ANTXR1: variants seen among roughly 807,000 people sequenced by gnomAD.
ANTXR1 encodes ANTXR cell adhesion molecule 1.
A neutral mutation model predicts 78.1 loss-of-function variants in ANTXR1; 19 were observed. The ratio of observed to expected loss-of-function variants is 0.24; its 90% CI spans 0.17 to 0.36. The LOEUF (loss-of-function observed/expected upper bound fraction) is 0.36, where lower values mean the gene tolerates loss of function less well. Among genes scored for constraint, ANTXR1 ranks in the 10% least tolerant of loss-of-function variants. The pLI, the probability that ANTXR1 is intolerant of heterozygous loss-of-function variation, is 1.00. For synonymous variants in ANTXR1, 273 were observed against 260.5 expected, an observed-to-expected ratio of 1.05 and a Z score of -0.46; for missense variants, 518 against 718.6, an observed-to-expected ratio of 0.72 and a Z score of 3.19.
chr2:69,040,533 C>T (rs1669583150), intron 2 of ANTXR1, among the ~76,000 whole-genome samples: 1 of 152,184 alleles, frequency 6.6e-6, no homozygotes, highest in East Asian at 1.9e-4. Flanking sequence ...CACTGAAAGT[C>T]TCACATCCTA....
At chr2:69,153,323 G>A (rs1425665085) in intron 13 of ANTXR1, among the ~76,000 whole-genome samples, 1 of 152,178 alleles carries the variant, frequency 6.6e-6, no homozygotes, top group Non-Finnish European at 1.5e-5. Flanking sequence ...CAGAGAGACA[G>A]AGCACTGGAC....
chr2:69,084,575 T>C (rs952161954), intron 8 of ANTXR1, among the ~76,000 whole-genome samples: 1 of 148,488 alleles, frequency 6.7e-6, no homozygotes, highest in Non-Finnish European at 1.5e-5. Flanking sequence ...TAATATTCCA[T>C]ATTTGTATTT....
chr2:69,020,722 A>G (rs1198080999), intron 1 of ANTXR1, among the ~76,000 whole-genome samples: 2 of 152,234 alleles, frequency 1.3e-5, no homozygotes, highest in East Asian at 1.9e-4. Flanking sequence ...TTACTCTGCA[A>G]TAAAAGACAA....
intron 12 of ANTXR1, among the ~76,000 whole-genome samples, chr2:69,133,018 T>A (rs1672800741): frequency 6.6e-6 from 1 of 152,172 alleles, no homozygotes; most frequent in Admixed American, 6.5e-5. Context: ...TTTAGATAAG[T>A]CAATGGACAC....
In ANTXR1 at chr2:69,146,162, GC is replaced by G. The variant is rs1002004293; in HGVS notation, c.952-6006del. On this transcript the variant is annotated intron_variant, in intron 12 of 17. Coordinates refer to ENST00000303714, the MANE Select transcript of ANTXR1 (RefSeq NM_032208.3). The stretch of plus-strand genomic sequence containing the variant: ...ATGTTGCCTGTCTGCCTCCTTAATA[GC>G]GGGCCTCTGTGTGAGCATTTGACAA... The G allele has an allele frequency of 1.1e-5, 11 of 985,258 alleles. No homozygotes were observed. The African/African-American group carries it at 1.2e-4, about 11-fold the overall frequency. The allele number at this position is 985,258 out of a possible 1,614,324, so 61.0% of individuals were successfully genotyped here.
chr2:69,162,355 A>G (rs927661120), intron 13 of ANTXR1, among the ~76,000 whole-genome samples: 43 of 152,210 alleles, frequency 2.8e-4, no homozygotes, highest in African/African-American at 1.0e-3. Flanking sequence ...AAGATGGGCT[A>G]TGGGTTTGAT....
intron 17 of ANTXR1, among the ~76,000 whole-genome samples, chr2:69,237,840 G>A (rs1675805851): frequency 6.6e-6 from 1 of 152,034 alleles, no homozygotes; most frequent in Admixed American, 6.5e-5. Context: ...GTATGTATAT[G>A]CACATTTTTA....
intron 12 of ANTXR1, among the ~76,000 whole-genome samples, chr2:69,138,575 C>A (rs1408727121): frequency 1.3e-5 from 2 of 152,162 alleles, no homozygotes; most frequent in East Asian, 3.9e-4. Context: ...ATCTTCTCAC[C>A]TATACATTAA....
chr2:69,121,271 AATTT>A (rs1234495696), intron 10 of ANTXR1, among the ~76,000 whole-genome samples: 1 of 152,152 alleles, frequency 6.6e-6, no homozygotes, highest in African/African-American at 2.4e-5. Flanking sequence ...ACACTCAAAG[AATTT>A]ATTTTTTAAT....
At chr2:69,191,673 T>C (rs919237391) in intron 16 of ANTXR1, among the ~76,000 whole-genome samples, 3 of 152,200 alleles carry the variant, frequency 2.0e-5, no homozygotes, top group Non-Finnish European at 4.4e-5. Context: ...TCTGGTCCCA[T>C]ACAAAATTGA....
chr2:69,213,342 T>C (rs1675094831), intron 17 of ANTXR1, among the ~76,000 whole-genome samples: 1 of 152,158 alleles, frequency 6.6e-6, no homozygotes, highest in Admixed American at 6.5e-5. Context: ...ATAATCTCTT[T>C]GTCAGCCAGA....
At chr2:69,099,910 G>A (rs1387310049) in intron 9 of ANTXR1, among the ~76,000 whole-genome samples, 1 of 152,188 alleles carries the variant, frequency 6.6e-6, no homozygotes, top group African/African-American at 2.4e-5. Context: ...AGAAATCTTG[G>A]CCTCTGCCAT....
chr2:69,103,436 A>G (rs1400194463), intron 10 of ANTXR1: 1 of 190,198 alleles, frequency 5.3e-6, no homozygotes, highest in African/African-American at 2.3e-5. Flanking sequence ...CCAAACCATT[A>G]GGCTTGCACA....
chr2:69,163,539 A>G lies in ANTXR1; in HGVS notation c.1048-6709A>G, dbSNP rs1431821010. On this transcript the variant is annotated intron_variant, in intron 13 of 17. Transcript: ENST00000303714. ...TCTTTATGCCCATTGCTCTCACAGT[A>G]TCTCATCTTCTCTTATATCTTTACA... Among the ~76,000 whole-genome samples, 3 of 151,938 alleles carry G rather than the reference A, an allele frequency of 2.0e-5. No individual in the cohort carries two copies. In the East Asian group the frequency reaches 5.8e-4, roughly 29 times the overall value.
At chr2:69,186,529 A>G (rs954825271) in intron 16 of ANTXR1, among the ~76,000 whole-genome samples, 4 of 152,220 alleles carry the variant, frequency 2.6e-5, no homozygotes, top group Admixed American at 6.5e-5. Context: ...TTGAACTAAC[A>G]GAGATGTGGG....
intron 10 of ANTXR1, among the ~76,000 whole-genome samples, chr2:69,120,580 A>G (rs1407712367): frequency 3.3e-5 from 5 of 152,170 alleles, no homozygotes; most frequent in Non-Finnish European, 1.5e-5. Context: ...AGGCAGGACA[A>G]TCACTTGAAC....
In ANTXR1 at chr2:69,103,938, A is replaced by ATTTTT. The variant is rs72060440; in HGVS notation, c.802+1010_802+1014dup. ...ACTAGTTTTCTCCTCCTGATAGCCT[A>ATTTTT]TTTTTTTTTTTTTTTTGGAGACTGA... On this transcript the variant is annotated intron_variant, in intron 10 of 17. Transcript: ENST00000303714. Among the ~76,000 whole-genome samples, 67 of 133,902 alleles carry ATTTTT rather than the reference A, an allele frequency of 5.0e-4. 1 individual carries two copies. The highest frequency in any genetic ancestry group is 3.4e-3 in the East Asian group (16 of 4,668). The allele number at this position is 133,902 out of a possible 152,430, so 87.8% of individuals were successfully genotyped here. A position where few individuals can be genotyped will look rare whatever the true frequency, so the allele number is the denominator to read the frequency against.
At chr2:69,147,594 T>G (rs1673262750) in intron 12 of ANTXR1, among the ~76,000 whole-genome samples, 1 of 152,240 alleles carries the variant, frequency 6.6e-6, no homozygotes, top group Non-Finnish European at 1.5e-5. Flanking sequence ...TTGCATCTGC[T>G]TAGTCTTTAA....
chr2:69,037,451 G>A (rs1440597792), intron 1 of ANTXR1, among the ~76,000 whole-genome samples: 1 of 152,108 alleles, frequency 6.6e-6, no homozygotes, highest in Non-Finnish European at 1.5e-5. Context: ...GCAACACGGA[G>A]AGACCAACCT....
Sources: allele counts gnomAD v4.1 joint callset (sites outside exome capture counted in the v4.1 genomes callset), GRCh38; gene constraint gnomAD v4.1.1; transcripts MANE v1.5; gene names NCBI Gene and HGNC (gene_info 2026-07-23, HGNC 2026-07-21).